SLIT3: variants seen among roughly 807,000 people sequenced by gnomAD.
SLIT3 encodes slit homolog 3 protein.
SLIT3 carries 68 observed loss-of-function variants against 184.0 expected under a neutral mutation model. That is an observed-to-expected ratio of 0.37 (90% confidence interval 0.30 to 0.45). The LOEUF (loss-of-function observed/expected upper bound fraction) is 0.45. Ranked by LOEUF, SLIT3 falls within the 20% of genes least tolerant of loss-of-function variation. The pLI is 1.00. For missense variants in SLIT3, 1,707 were observed against 2,026.0 expected (o/e 0.84, Z 3.02); for synonymous variants, 831 against 828.6 (o/e 1.00, Z -0.05).
At chr5:169,144,220 T>C (rs987542839) in intron 4 of SLIT3, among the ~76,000 whole-genome samples, 11 of 152,356 alleles carry the variant, frequency 7.2e-5, no homozygotes, top group African/African-American at 2.6e-4. Context: ...CTCGTTCCTG[T>C]CTTGGGGTCC....
intron 35 of SLIT3, chr5:168,667,473 G>A (rs998038872): frequency 6.6e-5 from 10 of 152,302 alleles, no homozygotes; most frequent in South Asian, 2.1e-4. Context: ...CAGGTGTTGC[G>A]ATGAGCTTTT....
chr5:168,934,525 G>A (rs972601845), intron 4 of SLIT3, among the ~76,000 whole-genome samples: 3 of 152,168 alleles, frequency 2.0e-5, no homozygotes, highest in Non-Finnish European at 4.4e-5. Flanking sequence ...TGTCAGGCTG[G>A]TGGAAGAGAC....
chr5:168,992,034 C>T (rs1755348547), intron 4 of SLIT3, among the ~76,000 whole-genome samples: 1 of 152,230 alleles, frequency 6.6e-6, no homozygotes, highest in Admixed American at 6.5e-5. Flanking sequence ...TAAGTGGGAC[C>T]TGCCTCAGGC....
At chr5:168,703,944 CAAAAA>C (rs70976498) in intron 26 of SLIT3, among the ~76,000 whole-genome samples, 2 of 46,822 alleles carry the variant, frequency 4.3e-5, no homozygotes, top group Non-Finnish European at 7.7e-5. Flanking sequence ...ACTCTGTCTC[CAAAAA>C]AAAAAAAAAA....
chr5:168,808,149 A>G (rs142364085), intron 8 of SLIT3, among the ~76,000 whole-genome samples: 1 of 152,044 alleles, frequency 6.6e-6, no homozygotes, highest in East Asian at 1.9e-4. Flanking sequence ...ACACAAGTGG[A>G]TCTAATGGAG....
chr5:168,721,834 C>A (rs1269112949), intron 23 of SLIT3, among the ~76,000 whole-genome samples: 1 of 152,130 alleles, frequency 6.6e-6, no homozygotes, highest in Non-Finnish European at 1.5e-5. Context: ...GGAGCTGTTT[C>A]CATGCAGAGG....
chr5:169,133,305 A>C (rs532958854), intron 4 of SLIT3, among the ~76,000 whole-genome samples: 35 of 152,324 alleles, frequency 2.3e-4, no homozygotes, highest in Non-Finnish European at 2.6e-4. Flanking sequence ...TGTGAAGGAC[A>C]TGCCACAGCT....
At chr5:168,788,663 A>AAAC (rs1354248833) in intron 11 of SLIT3, among the ~76,000 whole-genome samples, 4 of 152,106 alleles carry the variant, frequency 2.6e-5, no homozygotes, top group Admixed American at 6.6e-5. Flanking sequence ...TCCGTGAACA[A>AAAC]AACAGATAAT....
intron 20 of SLIT3, among the ~76,000 whole-genome samples, chr5:168,728,645 G>C (rs1763208011): frequency 6.6e-6 from 1 of 152,066 alleles, no homozygotes; most frequent in Admixed American, 6.6e-5. Flanking sequence ...CAAAGCCCAG[G>C]TGCAGTGGCT....
At chr5:169,153,005 A>G (rs921422976) in intron 4 of SLIT3, among the ~76,000 whole-genome samples, 2 of 152,212 alleles carry the variant, frequency 1.3e-5, no homozygotes, top group African/African-American at 2.4e-5. Flanking sequence ...GGTTAAAAGC[A>G]TTCTAAAAAT....
rs758454016 is a variant in SLIT3, at chr5:168,673,221, T to C, written c.3797A>G (p.Gln1266Arg). 9 of 1,614,182 alleles carry C rather than the reference T, an allele frequency of 5.6e-6. No individual in the cohort carries two copies. The highest frequency in any genetic ancestry group is 5.9e-6 in the Non-Finnish European group (7 of 1,180,030). ...GTTGATGCCCACTGCTGGCTGCTTC[T>C]GGAGCTTCCCCAGGCTCTTTGGAGT... Reference protein sequence around the residue: ...KGTPKSLGKLQKQPAVGINSP... With the variant: ...KGTPKSLGKLRKQPAVGINSP... The change falls in exon 33 of 36, where the codon CAG becomes CGG. Residue 1266 changes from glutamine (Q) to arginine (R), a missense_variant. Physicochemically the swap from Gln to Arg is conservative, Grantham distance 43 (BLOSUM62 1). Coordinates refer to ENST00000519560, the MANE Select transcript of SLIT3 (RefSeq NM_003062.4).
intron 6 of SLIT3, among the ~76,000 whole-genome samples, chr5:168,824,606 G>A (rs1757640166): frequency 6.6e-6 from 1 of 152,110 alleles, no homozygotes; most frequent in Admixed American, 6.5e-5. Context: ...TAATATGTGG[G>A]GAAGTCAGGC....
chr5:169,023,091 A>G (rs780580767), intron 4 of SLIT3, among the ~76,000 whole-genome samples: 5 of 152,158 alleles, frequency 3.3e-5, no homozygotes, highest in Non-Finnish European at 7.3e-5. Flanking sequence ...CAAGCATGCT[A>G]TCTTTCTTAA....
chr5:169,038,088 G>A (rs1437522194), intron 4 of SLIT3: 2 of 152,036 alleles, frequency 1.3e-5, no homozygotes, highest in African/African-American at 4.8e-5. Context: ...CAATACTTTT[G>A]TATAATCAAA....
At chr5:168,860,787 C>T (rs1458279444) in intron 5 of SLIT3, among the ~76,000 whole-genome samples, 2 of 152,318 alleles carry the variant, frequency 1.3e-5, no homozygotes, top group Admixed American at 6.5e-5. Flanking sequence ...TCAAACTAGC[C>T]ATTCTTAAGC....
chr5:169,120,708 C>T (rs753718852), intron 4 of SLIT3, among the ~76,000 whole-genome samples: 2 of 152,204 alleles, frequency 1.3e-5, no homozygotes, highest in African/African-American at 2.4e-5. Flanking sequence ...ACCTTGCACA[C>T]GTGCCTGTTC....
intron 4 of SLIT3, among the ~76,000 whole-genome samples, chr5:168,914,883 G>T (rs969464718): frequency 1.3e-5 from 2 of 152,028 alleles, no homozygotes; most frequent in East Asian, 1.9e-4. Flanking sequence ...GAGGACATTG[G>T]GGGGTAAAAA....
At chr5:169,076,270 A>G (rs1581380049) in intron 4 of SLIT3, among the ~76,000 whole-genome samples, 1 of 152,228 alleles carries the variant, frequency 6.6e-6, no homozygotes, top group African/African-American at 2.4e-5. Context: ...GCCTTTTCAG[A>G]CTTAAAAGAG....
chr5:168,965,633 C>A (rs950302681), intron 4 of SLIT3, among the ~76,000 whole-genome samples: 3 of 152,182 alleles, frequency 2.0e-5, no homozygotes, highest in African/African-American at 7.2e-5. Flanking sequence ...AGCACTTTGA[C>A]ATACCAGTGT....
Sources: gnomAD v4.1 joint callset for allele counts (sites outside exome capture counted in the v4.1 genomes callset) on GRCh38, gnomAD v4.1.1 for gene constraint, MANE v1.5 for transcripts, NCBI Gene and HGNC (gene_info 2026-07-23, HGNC 2026-07-21) for gene names.